LRMDA: variants seen among roughly 807,000 people sequenced by gnomAD.
The protein encoded by LRMDA is leucine rich melanocyte differentiation associated, also known as leucine-rich melanocyte differentiation-associated protein.
Under a neutral mutation model 29.8 loss-of-function variants are expected in LRMDA, and 18 were observed. The ratio of observed to expected loss-of-function variants is 0.60; its 90% confidence interval spans 0.42 to 0.90. The LOEUF is 0.90. Among genes scored for constraint, LRMDA ranks in the 40% least tolerant of loss-of-function variants. The pLI is 0.00. For synonymous variants in LRMDA, 125 were observed against 109.4 expected (o/e 1.14, Z -0.89); for missense variants, 273 against 273.9 (o/e 1.00, Z 0.02).
intron 2 of LRMDA, among the ~76,000 whole-genome samples, chr10:75,663,602 G>A (rs1841783186): frequency 6.6e-6 from 1 of 152,208 alleles, no homozygotes; most frequent in South Asian, 2.1e-4. Flanking sequence ...TGAGCAGGGT[G>A]TCTGCCTTTC....
At chr10:75,803,752 T>C (rs1335798195) in intron 2 of LRMDA, among the ~76,000 whole-genome samples, 1 of 152,236 alleles carries the variant, frequency 6.6e-6, no homozygotes. Flanking sequence ...TTAGCATTGC[T>C]AAGAGGCTGT....
At chr10:76,198,142 G>T (rs1167780336) in intron 5 of LRMDA, among the ~76,000 whole-genome samples, 1 of 152,054 alleles carries the variant, frequency 6.6e-6, no homozygotes, top group African/African-American at 2.4e-5. Context: ...TAACTTTCTG[G>T]TCACCCACCT....
At chr10:76,462,059 CAAAAA>C (rs386371868) in intron 6 of LRMDA, among the ~76,000 whole-genome samples, 1 of 122,142 alleles carries the variant, frequency 8.2e-6, no homozygotes. Context: ...AACTCTGTCT[CAAAAA>C]AAAAAAAAAA....
At chr10:76,029,154 T>A (rs910483548) in intron 2 of LRMDA, among the ~76,000 whole-genome samples, 1 of 152,168 alleles carries the variant, frequency 6.6e-6, no homozygotes, top group Admixed American at 6.5e-5. Context: ...ATCTTCTTTA[T>A]TCCTACATGA....
chr10:76,488,392 C>T lies in LRMDA; in HGVS notation c.602-68817C>T, dbSNP rs540940147. ...TGACTTATCTTGTTATAGATTATTT[C>T]ACATTTTCTAGACTATTATATAAAA... On this transcript the variant is annotated intron_variant, in intron 6 of 6. Transcript: ENST00000611255. Among the ~76,000 whole-genome samples the T allele has an allele frequency of 3.8e-4, 57 of 151,858 alleles. 1 individual carries two copies. In the South Asian group the frequency reaches 0.011, roughly 30 times the overall value.
At chr10:76,489,775 C>T (rs943934635) in intron 6 of LRMDA, among the ~76,000 whole-genome samples, 1 of 151,806 alleles carries the variant, frequency 6.6e-6, no homozygotes, top group Non-Finnish European at 1.5e-5. Context: ...CAAAATCTCA[C>T]AAATCATCAC....
At chr10:76,293,746 CTT>C (rs1399172004) in intron 5 of LRMDA, among the ~76,000 whole-genome samples, 1 of 152,174 alleles carries the variant, frequency 6.6e-6, no homozygotes, top group Non-Finnish European at 1.5e-5. Flanking sequence ...TACCTTATCT[CTT>C]ATATATAGGA....
intron 2 of LRMDA, among the ~76,000 whole-genome samples, chr10:75,667,154 A>G (rs1841832377): frequency 6.6e-6 from 1 of 151,678 alleles, no homozygotes; most frequent in Non-Finnish European, 1.5e-5. Context: ...AATGAAATAT[A>G]TATTATTTCT....
chr10:76,182,513 A>T (rs956998030), intron 5 of LRMDA, among the ~76,000 whole-genome samples: 4 of 152,196 alleles, frequency 2.6e-5, no homozygotes, highest in Non-Finnish European at 4.4e-5. Context: ...TTGTAGCTGG[A>T]CCATCATTGC....
chr10:76,152,458 A>G (rs751275162), intron 5 of LRMDA, among the ~76,000 whole-genome samples: 1 of 152,218 alleles, frequency 6.6e-6, no homozygotes, highest in Non-Finnish European at 1.5e-5. Context: ...CATTTTGGCT[A>G]TGATGAATAA....
chr10:76,551,223 C>T (rs1226740596), intron 6 of LRMDA, among the ~76,000 whole-genome samples: 2 of 152,160 alleles, frequency 1.3e-5, no homozygotes, highest in South Asian at 2.1e-4. Flanking sequence ...GGTAAAAACA[C>T]CACCACGATT....
chr10:75,598,770 T>C (rs1396728383), intron 2 of LRMDA, among the ~76,000 whole-genome samples: 2 of 152,150 alleles, frequency 1.3e-5, no homozygotes, highest in African/African-American at 2.4e-5. Context: ...TTTGAACCTT[T>C]TGCTAAGAAG....
chr10:75,988,163 C>T (rs554748079), intron 2 of LRMDA, among the ~76,000 whole-genome samples: 2 of 152,220 alleles, frequency 1.3e-5, no homozygotes, highest in South Asian at 2.1e-4. Flanking sequence ...TATGGTTGCT[C>T]CCCGCTTTAA....
At chr10:75,924,802 A>T (rs1846091077) in intron 2 of LRMDA, among the ~76,000 whole-genome samples, 1 of 151,730 alleles carries the variant, frequency 6.6e-6, no homozygotes. Flanking sequence ...GAGGTGGGGG[A>T]GGCTTCGTAT....
intron 2 of LRMDA, among the ~76,000 whole-genome samples, chr10:75,854,886 AG>A (rs767883658): frequency 5.3e-5 from 8 of 152,198 alleles, no homozygotes; most frequent in African/African-American, 9.7e-5. Flanking sequence ...GTCCCTAAAA[AG>A]GACATGAACT....
rs116205758 is a variant in LRMDA at position 75,720,047 on chromosome 10, C to T, written c.131+281553C>T. Among the ~76,000 whole-genome samples the T allele has an allele frequency of 1.4e-3, 218 of 152,256 alleles. 2 individuals carry two copies. The highest frequency in any genetic ancestry group is 5.1e-3 in the African/African-American group (210 of 41,550). The stretch of plus-strand genomic sequence containing the variant: ...AAAACCCAAAATTTAACAAGAGAAA[C>T]GGCAAACTTCTTGTGTTGTTTTCTA... On this transcript the variant is annotated intron_variant, in intron 2 of 6. Coordinates refer to ENST00000611255, the MANE Select transcript of LRMDA (RefSeq NM_001305581.2).
chr10:76,189,293 G>A (rs1402811474), intron 5 of LRMDA, among the ~76,000 whole-genome samples: 2 of 152,088 alleles, frequency 1.3e-5, no homozygotes, highest in Non-Finnish European at 1.5e-5. Flanking sequence ...GGAGTCGGAA[G>A]TTTCAGTGAG....
At position 76,406,744 on chromosome 10, in the gene LRMDA, A is replaced by G. The variant is rs140385173; in HGVS notation, c.601+82259A>G. Among the ~76,000 whole-genome samples, 103 of 152,302 alleles carry G rather than the reference A, an allele frequency of 6.8e-4. 1 individual carries two copies. Among genetic ancestry groups the G allele is most frequent in the South Asian group, 3.7e-3 (18 of 4,826 alleles). On this transcript the variant is annotated intron_variant, in intron 6 of 6. Transcript: ENST00000611255. ...ATGTCCCTTCTGAAAGGAGGCATAC[A>G]TGGTGAAAAAAGGGGCCTTCCCTGG... is the stretch of plus-strand genomic sequence containing the variant.
intron 6 of LRMDA, among the ~76,000 whole-genome samples, chr10:76,409,624 T>C (rs902369704): frequency 6.6e-6 from 1 of 152,192 alleles, no homozygotes; most frequent in African/African-American, 2.4e-5. Flanking sequence ...ACATTTTTAT[T>C]TTACTTTTTC....
Sources: allele counts gnomAD v4.1 joint callset (sites outside exome capture counted in the v4.1 genomes callset), GRCh38; gene constraint gnomAD v4.1.1; transcripts MANE v1.5; gene names NCBI Gene and HGNC (gene_info 2026-07-23, HGNC 2026-07-21).